ARHGEF26: variants seen among roughly 807,000 people sequenced by gnomAD.
The protein encoded by ARHGEF26 is Rho guanine nucleotide exchange factor (GEF) 26.
ARHGEF26 carries 59 observed loss-of-function variants against 89.4 expected under a neutral mutation model. That is an observed-to-expected ratio of 0.66 (90% CI 0.54 to 0.82). ARHGEF26 has a LOEUF of 0.82. ARHGEF26 is among the 40% of genes least tolerant of loss of function. The probability of loss-of-function intolerance (pLI) is 0.00; values close to 1 mark genes in which losing one functional copy is unlikely to be tolerated. For synonymous variants in ARHGEF26, 500 were observed against 428.4 expected (o/e 1.17, Z -2.06); for missense variants, 1,234 against 1,085.6 (o/e 1.14, Z -1.92).
At chr3:154,228,446 TTTTC>T (rs1389835261) in intron 11 of ARHGEF26, among the ~76,000 whole-genome samples, 9 of 151,390 alleles carry the variant, frequency 5.9e-5, no homozygotes, top group Non-Finnish European at 8.8e-5. Flanking sequence ...CTTTTTTTTT[TTTTC>T]TTTTTCTTTT....
rs372565502 is a variant in ARHGEF26, at chr3:154,206,994, C to T, written c.1846-10875C>T. On this transcript the variant is annotated intron_variant, in intron 9 of 14. Coordinates refer to ENST00000465093, the MANE Select transcript of ARHGEF26 (RefSeq NM_015595.4). ...TCATCTGATCTTCAACAAATCTGAC[C>T]AAAACAGACTGTGGAGAAAGGATTT... Among the ~76,000 whole-genome samples the T allele has an allele frequency of 1.1e-4, 17 of 152,050 alleles. No individual in the cohort carries two copies. In the East Asian group the frequency reaches 1.7e-3, roughly 16 times the overall value.
intron 7 of ARHGEF26, among the ~76,000 whole-genome samples, chr3:154,189,082 G>A (rs1713777812): frequency 1.3e-5 from 2 of 152,154 alleles, no homozygotes; most frequent in South Asian, 2.1e-4. Flanking sequence ...GCCCTGGTGG[G>A]AACCGCTGCT....
chr3:154,145,899 CA>C (rs1391627983), intron 4 of ARHGEF26, among the ~76,000 whole-genome samples: 3 of 152,142 alleles, frequency 2.0e-5, no homozygotes, highest in Admixed American at 6.5e-5. Flanking sequence ...AGAAATATTA[CA>C]CAAAGTTTAT....
At chr3:154,129,829 A>G in intron 4 of ARHGEF26, 110 bp downstream of exon 4, 1 of 1,248,238 alleles carries the variant, frequency 8.0e-7, no homozygotes, top group Middle Eastern at 2.0e-4. Flanking sequence ...AACTAAGGAG[A>G]AAGACTCTTT....
At chr3:154,213,902 A>T (rs548631441) in intron 9 of ARHGEF26, among the ~76,000 whole-genome samples, 1 of 152,190 alleles carries the variant, frequency 6.6e-6, no homozygotes, top group Non-Finnish European at 1.5e-5. Flanking sequence ...TAGGTGCTAT[A>T]TTGGGCTCTG....
chr3:154,214,675 G>A (rs1715605615), intron 9 of ARHGEF26, among the ~76,000 whole-genome samples: 2 of 152,118 alleles, frequency 1.3e-5, no homozygotes. Flanking sequence ...ACAAAGTCTG[G>A]GAACATAGAT....
intron 12 of ARHGEF26, among the ~76,000 whole-genome samples, chr3:154,246,117 T>TG: frequency 6.6e-6 from 1 of 152,108 alleles, no homozygotes; most frequent in Non-Finnish European, 1.5e-5. Flanking sequence ...GAGTGCTAAT[T>TG]GGGGGGTGGT....
chr3:154,217,905 G>C lies in ARHGEF26; in HGVS notation c.1882G>C (p.Glu628Gln). Residue 628 changes from glutamate to glutamine, a missense_variant, in exon 10 of 15, where the codon GAA becomes CAA. Coordinates refer to ENST00000465093, the MANE Select transcript of ARHGEF26 (RefSeq NM_015595.4). ...ATGCAATGAGGGCGCCCGGAAGATG[G>C]AAAGGACTGAGATGATGTACACAAT... ...RLCNEGARKM[E>Q]RTEMMYTINS... is the part of the protein sequence containing the mutation. The C allele has an allele frequency of 6.2e-7, 1 of 1,603,038 alleles. No homozygotes were observed.
intron 8 of ARHGEF26, among the ~76,000 whole-genome samples, chr3:154,193,527 G>C (rs947662538): frequency 1.4e-5 from 2 of 144,172 alleles, no homozygotes; most frequent in South Asian, 4.4e-4. Flanking sequence ...CCTGATGCCT[G>C]TTGCTCTAAT....
chr3:154,122,141 A>T lies in ARHGEF26; in HGVS notation c.149A>T (p.Asp50Val). 2 of 1,603,560 alleles carry T rather than the reference A, an allele frequency of 1.2e-6. No homozygotes were observed. Among genetic ancestry groups the T allele is most frequent in the Non-Finnish European group, 1.7e-6 (2 of 1,175,048 alleles). The change falls in exon 2 of 15, where the codon GAT (aspartate) becomes GTT (valine). Residue 50 changes from aspartate to valine, a missense_variant. Physicochemically the swap from Asp to Val is radical, Grantham distance 152. Coordinates refer to ENST00000465093, the MANE Select transcript of ARHGEF26 (RefSeq NM_015595.4). ...YQSPNGLLIT[D>V]FPVEDGGTLL... is the part of the protein sequence containing the mutation. ...AGCCCCAACGGGTTACTAATTACGG[A>T]TTTCCCGGTGGAGGACGGAGGGACG...
intron 12 of ARHGEF26, among the ~76,000 whole-genome samples, chr3:154,247,124 T>A (rs770783021): frequency 4.6e-5 from 7 of 152,200 alleles, no homozygotes; most frequent in Non-Finnish European, 8.8e-5. Context: ...AACCCTTTTT[T>A]TGAGATTATG....
At chr3:154,149,337 A>C (rs1185102140) in intron 4 of ARHGEF26, 52 bp from the exon 5 acceptor site, 5 of 1,497,420 alleles carry the variant, frequency 3.3e-6, no homozygotes, top group Non-Finnish European at 2.7e-6. Context: ...ATGCCCTTGA[A>C]ACTTTTAAAG....
intron 3 of ARHGEF26, 128 bp from the exon 4 acceptor site, chr3:154,129,446 A>C: frequency 9.7e-7 from 1 of 1,032,328 alleles, no homozygotes; most frequent in Non-Finnish European, 1.4e-6. Flanking sequence ...TTCTTCAGGG[A>C]CTAAATCTGT....
chr3:154,144,990 A>T (rs374045828), intron 4 of ARHGEF26, among the ~76,000 whole-genome samples: 1 of 152,288 alleles, frequency 6.6e-6, no homozygotes. Context: ...ACCACTCCCC[A>T]GAAGGATGAC....
intron 6 of ARHGEF26, among the ~76,000 whole-genome samples, chr3:154,164,248 A>T (rs201002587): frequency 2.4e-4 from 37 of 152,132 alleles, no homozygotes; most frequent in East Asian, 1.3e-3. Context: ...TATGATTTTT[A>T]AAAAAAATTT....
At chr3:154,221,175 A>C (rs1716104624) in intron 10 of ARHGEF26, among the ~76,000 whole-genome samples, 1 of 152,160 alleles carries the variant, frequency 6.6e-6, no homozygotes, top group Non-Finnish European at 1.5e-5. Context: ...GAAAGTTGCA[A>C]ATTAGAAAAC....
intron 9 of ARHGEF26, among the ~76,000 whole-genome samples, chr3:154,207,733 A>G (rs1470971969): frequency 6.6e-6 from 1 of 152,218 alleles, no homozygotes; most frequent in Non-Finnish European, 1.5e-5. Flanking sequence ...TGACACAGCA[A>G]TCCTATTACT....
At position 154,122,280 on chromosome 3, in the gene ARHGEF26, G is replaced by T. The variant is rs755174188; in HGVS notation, c.288G>T (p.Thr96=). 5 of 1,612,302 alleles carry T rather than the reference G, an allele frequency of 3.1e-6. No homozygotes were observed. The East Asian group carries it at 8.9e-5, about 29-fold the overall frequency. Reference sequence around the variant, plus strand: ...GGAGAGCGGTGGCCAATGGTGGGACGGCATCCCCGGAGTACAGGGCTGCCT... The same window carrying T: ...GGAGAGCGGTGGCCAATGGTGGGACTGCATCCCCGGAGTACAGGGCTGCCT... ...AQRRAVANGG[T]ASPEYRAASP... The change falls in exon 2 of 15, where the codon ACG becomes ACT. Residue 96 remains threonine (T), a synonymous_variant. Transcript: ENST00000465093.
At position 154,239,289 on chromosome 3, in the gene ARHGEF26, AGAGAGAGAGAGTGTGTGTGTGTGTGT is replaced by A. The variant is rs1559920531; in HGVS notation, c.2091-1079_2091-1054del. Among the ~76,000 whole-genome samples, 206 of 103,684 alleles carry A rather than the reference AGAGAGAGAGAGTGTGTGTGTGTGTGT, an allele frequency of 2.0e-3. 1 individual carries two copies. The highest frequency in any genetic ancestry group is 6.2e-3 in the East Asian group (21 of 3,388). The allele number at this position is 103,684 out of a possible 152,430, so 68.0% of individuals were successfully genotyped here. A position where few individuals can be genotyped will look rare whatever the true frequency, so the allele number is the denominator to read the frequency against. On this transcript the variant is annotated intron_variant, in intron 11 of 14. Coordinates refer to ENST00000465093, the MANE Select transcript of ARHGEF26 (RefSeq NM_015595.4). ...GAGAGAGAGAGAGAGAGAGAGAGAG[AGAGAGAGAGAGTGTGTGTGTGTGTGT>A]GTGTGTGTGTGTGTGTGTGTGTGTG...
Sources: allele counts gnomAD v4.1 joint callset (sites outside exome capture counted in the v4.1 genomes callset), GRCh38; gene constraint gnomAD v4.1.1; transcripts MANE v1.5; gene names NCBI Gene and HGNC (gene_info 2026-07-23, HGNC 2026-07-21).